Variants in RAPGEF3 observed in about 807,000 individuals in gnomAD.
The protein encoded by RAPGEF3 is 9330170P05Rik.
In RAPGEF3, 103 loss-of-function variants were observed where a neutral mutation model predicts 129.8. The ratio of observed to expected loss-of-function variants is 0.79; its 90% CI spans 0.68 to 0.93. The LOEUF is 0.93. Ranked by LOEUF, RAPGEF3 falls within the 40% of genes least tolerant of loss-of-function variation. RAPGEF3 has a pLI of 0.00. For missense variants in RAPGEF3, 1,117 were observed against 1,207.4 expected, an observed-to-expected ratio of 0.93 and a Z score of 1.11; for synonymous variants, 436 against 482.6, an observed-to-expected ratio of 0.90 and a Z score of 1.26.
intron 6 of RAPGEF3, 70 bp from the exon 7 acceptor site, chr12:47,750,495 C>A: frequency 7.1e-7 from 1 of 1,403,520 alleles, no homozygotes; most frequent in Non-Finnish European, 9.8e-7. Context: ...GCCACTCCAC[C>A]CACCCAGCCG....
At chr12:47,739,506 T>C in intron 23 of RAPGEF3, 1 of 640,938 alleles carries the variant, frequency 1.6e-6, no homozygotes, top group Non-Finnish European at 2.9e-6. Flanking sequence ...TTTCTATCCC[T>C]GTCTCTTTCT....
At chr12:47,741,429 C>T (rs897137314) in intron 19 of RAPGEF3, 76 bp downstream of exon 19, 6 of 1,397,606 alleles carry the variant, frequency 4.3e-6, no homozygotes, top group African/African-American at 1.4e-5. Context: ...CTCCCTGGGA[C>T]CCTCCCCAGA....
intron 16 of RAPGEF3, chr12:47,745,165 C>G (rs1009207953): frequency 6.5e-6 from 1 of 152,800 alleles, no homozygotes; most frequent in Admixed American, 6.5e-5. Context: ...CACCTGCCCA[C>G]GAGGCCTCAC....
chr12:47,742,735 G>C (rs965964193), intron 18 of RAPGEF3, among the ~76,000 whole-genome samples: 2 of 152,222 alleles, frequency 1.3e-5, no homozygotes, highest in Non-Finnish European at 1.5e-5. Flanking sequence ...TCTGACAGGT[G>C]AGGAAATGCA....
At position 47,751,621 on chromosome 12, in the gene RAPGEF3, G is replaced by T. The variant is rs191472322; in HGVS notation, c.381-101C>A. On this transcript the variant is annotated intron_variant, in intron 4 of 27. Coordinates refer to ENST00000449771, the MANE Select transcript of RAPGEF3 (RefSeq NM_001098531.4). Reference sequence around the variant, plus strand: ...ACCCTCTGAGGCCCAAGCCTGGTTCGTCCCTGTGCTAGAAGCAGGGTGAGG... The same window carrying T: ...ACCCTCTGAGGCCCAAGCCTGGTTCTTCCCTGTGCTAGAAGCAGGGTGAGG... 4.4e-6 allele frequency: 7 copies of T among 1,597,942 alleles called. No individual in the cohort carries two copies. The African/African-American group carries it at 5.4e-5, about 12-fold the overall frequency.
In RAPGEF3 at chr12:47,741,537, A is replaced by G; in HGVS notation, c.1891T>C (p.Phe631Leu). Reference protein sequence around the residue: ...ATSLGLNERLFVVNPQEVHEL... With the variant: ...ATSLGLNERLLVVNPQEVHEL... ...TGCACTTCCTGTGGGTTGACAACAAAGAGACGCTCATTGAGCCCCAGAGAT... is the reference window on the plus strand; with the variant it reads ...TGCACTTCCTGTGGGTTGACAACAAGGAGACGCTCATTGAGCCCCAGAGAT... The change falls in exon 19 of 28, where the codon TTT (phenylalanine) becomes CTT (leucine). Residue 631 changes from phenylalanine (F) to leucine (L), a missense_variant. This residue lies in a region of RAPGEF3 where 643 missense variants were observed against 673.4 expected (regional missense o/e 0.95). Coordinates refer to ENST00000449771, the MANE Select transcript of RAPGEF3 (RefSeq NM_001098531.4). 1 of 1,614,130 alleles carries G rather than the reference A, an allele frequency of 6.2e-7. No individual in the cohort carries two copies. Among genetic ancestry groups the G allele is most frequent in the Non-Finnish European group, 8.5e-7 (1 of 1,180,014 alleles).
intron 15 of RAPGEF3, 139 bp from the exon 16 acceptor site, chr12:47,747,038 GA>G: frequency 1.2e-6 from 1 of 806,080 alleles, no homozygotes; most frequent in Non-Finnish European, 2.0e-6. Context: ...ATCACATAAA[GA>G]GGGGAGAACA....
In RAPGEF3 at chr12:47,750,409, C is replaced by T. The variant is rs779677866; in HGVS notation, c.688G>A (p.Asp230Asn). Reference protein sequence around the residue: ...ALRKPPGQRTDEELDLIFEEL... With the variant: ...ALRKPPGQRTNEELDLIFEEL... ...TCAAAGATGAGGTCCAGCTCTTCAT[C>T]CGTGCGCTGACCTGGGCTGCAGGGA... Residue 230 changes from aspartate to asparagine, a missense_variant, in exon 7 of 28, where the codon GAT becomes AAT. By Grantham distance (23) the Asp-to-Asn change is conservative. This residue lies in a region of RAPGEF3 where 367 missense variants were observed against 373.4 expected (regional missense o/e 0.98). Coordinates refer to ENST00000449771, the MANE Select transcript of RAPGEF3 (RefSeq NM_001098531.4). The T allele has an allele frequency of 6.2e-7, 1 of 1,613,822 alleles. No individual in the cohort carries two copies. Among genetic ancestry groups the T allele is most frequent in the Non-Finnish European group, 8.5e-7 (1 of 1,179,852 alleles).
intron 18 of RAPGEF3, 45 bp downstream of exon 18, chr12:47,743,485 C>T (rs1941267701): frequency 3.2e-6 from 5 of 1,579,820 alleles, no homozygotes; most frequent in Non-Finnish European, 2.6e-6. Flanking sequence ...GGCGCAGATC[C>T]GAGGGGCCAC....
chr12:47,740,695 G>A lies in RAPGEF3; in HGVS notation c.2178C>T (p.Pro726=), dbSNP rs374258467. 20 of 1,613,944 alleles carry A rather than the reference G, an allele frequency of 1.2e-5. No homozygotes were observed. Among genetic ancestry groups the A allele is most frequent in the South Asian group, 7.7e-5 (7 of 91,088 alleles). Residue 726 remains proline (P), a synonymous_variant, in exon 21 of 28, where the codon CCC becomes CCT. Coordinates refer to ENST00000449771, the MANE Select transcript of RAPGEF3 (RefSeq NM_001098531.4). ...GCAGCTGGGCCCGGGGGCCGGGCACGGGGCAGAGACACAGCTCGGTGGCCA... is the reference window on the plus strand; with the variant it reads ...GCAGCTGGGCCCGGGGGCCGGGCACAGGGCAGAGACACAGCTCGGTGGCCA... The part of the protein sequence containing the change: ...YWVATELCLC[P]VPGPRAQLLR...
In RAPGEF3 at chr12:47,734,519, A is replaced by C. The variant is rs1466837677; in HGVS notation, c.*3048T>G. On this transcript the variant is annotated 3_prime_UTR_variant, in exon 28 of 28. Transcript: ENST00000449771. The stretch of plus-strand genomic sequence containing the variant: ...ACTTCACCTGTCTACCCTGCTATTA[A>C]GCAGTTATGTGACCTTGGGCAAACC... The C allele has an allele frequency of 6.6e-6, 1 of 152,242 alleles. No homozygotes were observed. The highest frequency in any genetic ancestry group is 1.5e-5 in the Non-Finnish European group (1 of 68,056). The allele number at this position is 152,242 out of a possible 1,614,324, so 9.4% of individuals were successfully genotyped here.
Position 47,735,998 on chromosome 12 carries a change from GAGGCGAGGCTGCCCCC to G in RAPGEF3, c.*1553_*1568del, listed in dbSNP as rs1940788203. ...TCAGTCTCTCCCTCAGCCCTCAACT[GAGGCGAGGCTGCCCCC>G]CTACCAGGCCTGGATAGCACAGGAC... On this transcript the variant is annotated 3_prime_UTR_variant, in exon 28 of 28. Transcript: ENST00000449771. 1 of 152,292 alleles carries G rather than the reference GAGGCGAGGCTGCCCCC, an allele frequency of 6.6e-6. No individual in the cohort carries two copies. The highest frequency in any genetic ancestry group is 1.5e-5 in the Non-Finnish European group (1 of 68,118). 9.4% of individuals were successfully genotyped at this position (152,292 alleles called of 1,614,324 possible). A position where few individuals can be genotyped will look rare whatever the true frequency, so the allele number is the denominator to read the frequency against.
intron 16 of RAPGEF3, chr12:47,744,536 C>T: frequency 5.6e-6 from 1 of 178,684 alleles, no homozygotes; most frequent in Non-Finnish European, 1.2e-5. Context: ...CCCAAAGCCA[C>T]ACAGCTGCTA....
At chr12:47,737,878 G>A in intron 27 of RAPGEF3, 144 bp downstream of exon 27, 1 of 1,226,236 alleles carries the variant, frequency 8.2e-7, no homozygotes, top group South Asian at 1.3e-5. Context: ...CTGGCTCAGA[G>A]CACAGAGGCT....
In RAPGEF3 at chr12:47,743,672, G is replaced by A; in HGVS notation, c.1683C>T (p.Pro561=). The change falls in exon 18 of 28, where the codon CCC becomes CCT. Residue 561 remains proline (P), a synonymous_variant. Coordinates refer to ENST00000449771, the MANE Select transcript of RAPGEF3 (RefSeq NM_001098531.4). ...AGTGGTCTGGCCGGCAGATGTCATAGGGGACTGAAGAGGAGACCAGACTGA... is the reference window on the plus strand; with the variant it reads ...AGTGGTCTGGCCGGCAGATGTCATAAGGGACTGAAGAGGAGACCAGACTGA... ...SCAIQVGDKV[P]YDICRPDHSV... is the part of the protein sequence containing the mutation. 1.2e-6 allele frequency: 2 copies of A among 1,605,930 alleles called. No individual in the cohort carries two copies. Among genetic ancestry groups the A allele is most frequent in the South Asian group, 1.1e-5 (1 of 90,826 alleles).
chr12:47,756,821 T>C (rs531131942), intron 2 of RAPGEF3, among the ~76,000 whole-genome samples: 3 of 151,962 alleles, frequency 2.0e-5, no homozygotes, highest in African/African-American at 7.2e-5. Context: ...ATACAAAAAT[T>C]AGCTGGGCGT....
intron 18 of RAPGEF3, among the ~76,000 whole-genome samples, chr12:47,743,308 G>C (rs111445977): frequency 6.6e-6 from 1 of 152,228 alleles, no homozygotes; most frequent in Non-Finnish European, 1.5e-5. Context: ...GAGCTAAAGG[G>C]CTGGTGCCGA....
At position 47,746,643 on chromosome 12, in the gene RAPGEF3, G is replaced by A. The variant is rs748717077; in HGVS notation, c.1596+217C>T. On this transcript the variant is annotated intron_variant, in intron 16 of 27. Transcript: ENST00000449771. ...AGGCCCATTGAGTCAGGGAGTGGGC[G>A]AGGAGGGAGGCCACCTTAGGCCTCT... 5.3e-5 allele frequency: 38 copies of A among 714,824 alleles called. No individual in the cohort carries two copies. In the East Asian group the frequency reaches 7.0e-4, roughly 13 times the overall value. 44.3% of individuals were successfully genotyped at this position (714,824 alleles called of 1,614,324 possible).
Position 47,749,095 on chromosome 12 carries a change from C to T in RAPGEF3, c.1042-164G>A. 3 of 663,494 alleles carry T rather than the reference C, an allele frequency of 4.5e-6. No individual in the cohort carries two copies. Among genetic ancestry groups the T allele is most frequent in the Non-Finnish European group, 7.8e-6 (3 of 383,352 alleles). 41.1% of individuals were successfully genotyped at this position (663,494 alleles called of 1,614,324 possible). On this transcript the variant is annotated intron_variant, in intron 10 of 27. Coordinates refer to ENST00000449771, the MANE Select transcript of RAPGEF3 (RefSeq NM_001098531.4). This position sits in a 1 kb window ranked among gnomAD's most constrained non-coding sequence, Gnocchi z 4.5. ...GCTCCACCTCCTCAGCCTTCCCTAC[C>T]TTCCATGCATCCTGCCTCCCCCACA...
Sources: allele counts gnomAD v4.1 joint callset (sites outside exome capture counted in the v4.1 genomes callset), GRCh38; gene constraint gnomAD v4.1.1; regional missense constraint gnomAD v4.1.1; non-coding constraint Gnocchi (gnomAD v3.1); transcripts MANE v1.5; gene names NCBI Gene and HGNC (gene_info 2026-07-23, HGNC 2026-07-21).